MGAT3: variants seen among roughly 807,000 people sequenced by gnomAD.
MGAT3 encodes GlcNAc-T III.
A neutral mutation model predicts 29.8 loss-of-function variants in MGAT3; 9 were observed. The observed-to-expected ratio is 0.30, with a 90% confidence interval of 0.18 to 0.53. The LOEUF is 0.53. Among genes scored for constraint, MGAT3 ranks in the 20% least tolerant of loss-of-function variants. The probability of loss-of-function intolerance (pLI) is 0.96; values close to 1 mark genes in which losing one functional copy is unlikely to be tolerated. For synonymous variants in MGAT3, 397 were observed against 348.9 expected, an observed-to-expected ratio of 1.14 and a Z score of -1.54; for missense variants, 557 against 769.5, an observed-to-expected ratio of 0.72 and a Z score of 3.27.
In MGAT3 at chr22:39,457,266, C is replaced by A; in HGVS notation, c.-293C>A. On this transcript the variant is annotated 5_prime_UTR_variant, in exon 1 of 2. Transcript: ENST00000341184. This position sits in a 1 kb window ranked among gnomAD's most constrained non-coding sequence, Gnocchi z 6.8. ...GCCCCCCGCGCGCCCGCCGCGGTCC[C>A]TCCCCCGCGCCCGTCCGCTCGCCGG... The A allele has an allele frequency of 6.9e-6, 1 of 145,762 alleles. No individual in the cohort carries two copies. The highest frequency in any genetic ancestry group is 1.9e-4 in the South Asian group (1 of 5,246). 9.0% of individuals were successfully genotyped at this position (145,762 alleles called of 1,614,324 possible).
At chr22:39,469,449 C>T (rs1370393668) in intron 1 of MGAT3, among the ~76,000 whole-genome samples, 1 of 152,204 alleles carries the variant, frequency 6.6e-6, no homozygotes, top group Non-Finnish European at 1.5e-5. Context: ...CGCTGTCCCT[C>T]ACTCCGTCTG....
chr22:39,488,261 G>A lies in MGAT3; in HGVS notation c.914G>A (p.Arg305His), dbSNP rs774694993. 2.5e-6 allele frequency: 4 copies of A among 1,611,308 alleles called. No individual in the cohort carries two copies. Among genetic ancestry groups the A allele is most frequent in the Non-Finnish European group, 3.4e-6 (4 of 1,179,878 alleles). The change falls in exon 2 of 2, where the codon CGC becomes CAC. Residue 305 changes from arginine to histidine, a missense_variant. Around this residue, in one of 3 missense-constraint regions of MGAT3, gnomAD observed 243 missense variants for 444.0 expected, o/e 0.55. Transcript: ENST00000341184. ...ACCCAGGACGGCGTCTCGCGGCTGC[G>A]CAACCTGCGGCCCGACGACGTCTTC... ...FLTQDGVSRL[R>H]NLRPDDVFII...
intron 1 of MGAT3, among the ~76,000 whole-genome samples, chr22:39,476,112 G>A (rs1295222378): frequency 6.6e-6 from 1 of 152,032 alleles, no homozygotes; most frequent in Non-Finnish European, 1.5e-5. Flanking sequence ...AAAGTCCTCA[G>A]GCAGCCTGCA....
chr22:39,475,941 T>TA (rs1472640147), intron 1 of MGAT3: 2 of 152,238 alleles, frequency 1.3e-5, no homozygotes, highest in Non-Finnish European at 2.9e-5. Context: ...GTCTCGTCTC[T>TA]AAAAAACAAA....
Position 39,488,847 on chromosome 22 carries a change from C to A in MGAT3, c.1500C>A (p.Asn500Lys). ...NYDRFHYLLDNPYQEPRSTAA... is the reference protein window; with the variant it reads ...NYDRFHYLLDKPYQEPRSTAA... ...ACCGGTTCCACTACCTGCTGGACAACCCCTACCAGGAGCCCAGGAGCACGG... is the reference window on the plus strand; with the variant it reads ...ACCGGTTCCACTACCTGCTGGACAAACCCTACCAGGAGCCCAGGAGCACGG... The change falls in exon 2 of 2, where the codon AAC becomes AAA. Residue 500 changes from asparagine to lysine, a missense_variant. This residue lies in a region of MGAT3 where 102 missense variants were observed against 97.0 expected (regional missense o/e 1.05). Transcript: ENST00000341184. 6.2e-7 allele frequency: 1 copy of A among 1,608,364 alleles called. No homozygotes were observed. Among genetic ancestry groups the A allele is most frequent in the Non-Finnish European group, 8.5e-7 (1 of 1,177,546 alleles).
At position 39,488,400 on chromosome 22, in the gene MGAT3, C is replaced by T. The variant is rs754425503; in HGVS notation, c.1053C>T (p.Phe351=). 1.9e-6 allele frequency: 3 copies of T among 1,612,940 alleles called. No homozygotes were observed. Among genetic ancestry groups the T allele is most frequent in the East Asian group, 4.5e-5 (2 of 44,876 alleles). The change falls in exon 2 of 2, where the codon TTC becomes TTT. Residue 351 remains phenylalanine, a synonymous_variant. Coordinates refer to ENST00000341184, the MANE Select transcript of MGAT3 (RefSeq NM_002409.5). ...AFHMRKSLYG[F]FWKQPGTLEV... The stretch of plus-strand genomic sequence containing the variant: ...ACATGCGCAAGTCGCTCTACGGCTT[C>T]TTCTGGAAGCAGCCGGGCACCCTGG...
chr22:39,466,070 C>T (rs1238205873), intron 1 of MGAT3, among the ~76,000 whole-genome samples: 1 of 152,190 alleles, frequency 6.6e-6, no homozygotes, highest in East Asian at 1.9e-4. Context: ...AAGGCCCAGT[C>T]AGAAGCCAGC....
rs1343612917 is a variant in MGAT3, at chr22:39,489,325, G to A, written c.*376G>A. 11 of 271,812 alleles carry A rather than the reference G, an allele frequency of 4.0e-5. No homozygotes were observed. Among genetic ancestry groups the A allele is most frequent in the East Asian group, 8.2e-5 (1 of 12,132 alleles). 16.8% of individuals were successfully genotyped at this position (271,812 alleles called of 1,614,324 possible). A position where few individuals can be genotyped will look rare whatever the true frequency, so the allele number is the denominator to read the frequency against. On this transcript the variant is annotated 3_prime_UTR_variant, in exon 2 of 2. Transcript: ENST00000341184. ...GCAGCCTCTGGGGGGTGGCCAGGCC[G>A]GGAAAAAGCCCACCATTTGGCATCC...
At position 39,487,485 on chromosome 22, in the gene MGAT3, G is replaced by T; in HGVS notation, c.138G>T (p.Val46=). Residue 46 remains valine (V), a synonymous_variant, in exon 2 of 2, where the codon GTG becomes GTT. Transcript: ENST00000341184. The surrounding 1 kb of genome is among the most constrained non-coding windows in gnomAD (Gnocchi z 5.7). ...RELASLSPNL[V]SSFFWNNAPV... ...TGGCCTCCCTCAGCCCTAACCTGGT[G>T]TCCAGCTTTTTCTGGAACAATGCCC... 6.2e-7 allele frequency: 1 copy of T among 1,613,292 alleles called. No individual in the cohort carries two copies.
rs1289484379 is a variant in MGAT3, at chr22:39,487,613, C to T, written c.266C>T (p.Ala89Val). ...PLLQPLPPSK[A>V]AEELHRVDLV... ...CTGCAGCCGCTGCCGCCCAGCAAGG[C>T]GGCCGAGGAGCTCCACCGGGTGGAC... is the stretch of plus-strand genomic sequence containing the variant. Residue 89 changes from alanine to valine, a missense_variant, in exon 2 of 2, where the codon GCG becomes GTG. By Grantham distance (64) the Ala-to-Val change is moderately conservative. This residue lies in a region of MGAT3 where 212 missense variants were observed against 228.5 expected (regional missense o/e 0.93). Coordinates refer to ENST00000341184, the MANE Select transcript of MGAT3 (RefSeq NM_002409.5). This position sits in a 1 kb window ranked among gnomAD's most constrained non-coding sequence, Gnocchi z 5.7. 6.2e-7 allele frequency: 1 copy of T among 1,611,534 alleles called. No homozygotes were observed. Among genetic ancestry groups the T allele is most frequent in the South Asian group, 1.1e-5 (1 of 90,970 alleles).
chr22:39,465,330 G>C (rs1928609901), intron 1 of MGAT3, among the ~76,000 whole-genome samples: 1 of 152,162 alleles, frequency 6.6e-6, no homozygotes, highest in South Asian at 2.1e-4. Flanking sequence ...TGCAAAAATG[G>C]GTGGGTTCAG....
At chr22:39,465,418 A>G (rs1928613486) in intron 1 of MGAT3, among the ~76,000 whole-genome samples, 2 of 152,308 alleles carry the variant, frequency 1.3e-5, no homozygotes, top group Admixed American at 6.5e-5. Flanking sequence ...GGATATGGGC[A>G]CAAGTGAAAA....
Position 39,489,071 on chromosome 22 carries a change from GT to G in MGAT3, c.*123del. 1.9e-6 allele frequency: 2 copies of G among 1,078,558 alleles called. No individual in the cohort carries two copies. The highest frequency in any genetic ancestry group is 1.6e-5 in the African/African-American group (1 of 61,994). The allele number at this position is 1,078,558 out of a possible 1,614,324, so 66.8% of individuals were successfully genotyped here. On this transcript the variant is annotated 3_prime_UTR_variant, in exon 2 of 2. Coordinates refer to ENST00000341184, the MANE Select transcript of MGAT3 (RefSeq NM_002409.5). ...GACCAGGAGTGGGTGGGGAGTGGGG[GT>G]GGGGGTAGGGTTTCCCTACTGAAGC...
At chr22:39,482,196 A>G (rs1601727932) in intron 1 of MGAT3, among the ~76,000 whole-genome samples, 1 of 137,970 alleles carries the variant, frequency 7.2e-6, no homozygotes, top group Non-Finnish European at 1.5e-5. Context: ...CATGTTGCCC[A>G]AGCTGGTCTT....
rs757992358 is a variant in MGAT3 at position 39,488,281 on chromosome 22, G to A, written c.934G>A (p.Val312Ile). ...GCTGCGCAACCTGCGGCCCGACGAC[G>A]TCTTCATCATTGACGATGCGGACGA... The part of the protein sequence containing the change: ...SRLRNLRPDD[V>I]FIIDDADEIP... Residue 312 changes from valine to isoleucine, a missense_variant, in exon 2 of 2, where the codon GTC (valine) becomes ATC (isoleucine). By Grantham distance (29) the Val-to-Ile change is conservative. Transcript: ENST00000341184. The A allele has an allele frequency of 6.2e-7, 1 of 1,611,674 alleles. No homozygotes were observed. Among genetic ancestry groups the A allele is most frequent in the Non-Finnish European group, 8.5e-7 (1 of 1,179,952 alleles).
intron 1 of MGAT3, among the ~76,000 whole-genome samples, chr22:39,475,381 G>A (rs967477861): frequency 3.9e-5 from 6 of 152,004 alleles, no homozygotes; most frequent in African/African-American, 1.5e-4. Context: ...TCCATGGGAT[G>A]TGTCTGTACA....
intron 1 of MGAT3, among the ~76,000 whole-genome samples, chr22:39,468,423 A>G (rs1046642752): frequency 2.0e-5 from 3 of 151,654 alleles, no homozygotes; most frequent in Admixed American, 6.6e-5. Flanking sequence ...GAGGATCCTA[A>G]CTACTGAGCC....
rs1461283827 is a variant in MGAT3, at chr22:39,488,169, G to A, written c.822G>A (p.Leu274=). The change falls in exon 2 of 2, where the codon CTG becomes CTA. Residue 274 remains leucine (L), a synonymous_variant. Transcript: ENST00000341184. ...GCCACAAGGTGCTCTATGTCTTCCT[G>A]GACCACTTCCCGCCCGGCGGCCGGC... ...YIRHKVLYVF[L]DHFPPGGRQD... The A allele has an allele frequency of 1.2e-6, 2 of 1,612,698 alleles. No homozygotes were observed. The highest frequency in any genetic ancestry group is 2.7e-5 in the African/African-American group (2 of 74,788).
At position 39,489,066 on chromosome 22, in the gene MGAT3, T is replaced by TGGGGTTGG; in HGVS notation, c.*121_*122insTTGGGGGG. 3.0e-6 allele frequency: 1 copy of TGGGGTTGG among 332,622 alleles called. No homozygotes were observed. The allele number at this position is 332,622 out of a possible 1,614,324, so 20.6% of individuals were successfully genotyped here. A position where few individuals can be genotyped will look rare whatever the true frequency, so the allele number is the denominator to read the frequency against. ...GAGGGGACCAGGAGTGGGTGGGGAG[T>TGGGGTTGG]GGGGGTGGGGGTAGGGTTTCCCTAC... is the stretch of plus-strand genomic sequence containing the variant. On this transcript the variant is annotated 3_prime_UTR_variant, in exon 2 of 2. Coordinates refer to ENST00000341184, the MANE Select transcript of MGAT3 (RefSeq NM_002409.5).
Sources: gnomAD v4.1 joint callset for allele counts (sites outside exome capture counted in the v4.1 genomes callset) on GRCh38, gnomAD v4.1.1 for gene constraint, gnomAD v4.1.1 regional missense constraint, Gnocchi (gnomAD v3.1) non-coding constraint, MANE v1.5 for transcripts, NCBI Gene and HGNC (gene_info 2026-07-23, HGNC 2026-07-21) for gene names.